DLG2: variants seen among roughly 807,000 people sequenced by gnomAD.
The protein encoded by DLG2 is discs large MAGUK scaffold protein 2, also known as disks large homolog 2.
Under a neutral mutation model 132.5 loss-of-function variants are expected in DLG2, and 45 were observed. That is an observed-to-expected ratio of 0.34 (90% CI 0.27 to 0.44). DLG2 has a LOEUF of 0.44. DLG2 is among the 20% of genes least tolerant of loss of function. The probability of loss-of-function intolerance (pLI) is 1.00; values close to 1 mark genes in which losing one functional copy is unlikely to be tolerated. For missense variants in DLG2, 1,045 were observed against 1,196.9 expected (o/e 0.87, Z 1.87); for synonymous variants, 424 against 419.6 (o/e 1.01, Z -0.13).
At chr11:84,793,044 C>T (rs889569920) in intron 6 of DLG2, among the ~76,000 whole-genome samples, 2 of 152,124 alleles carry the variant, frequency 1.3e-5, no homozygotes, top group Non-Finnish European at 2.9e-5. Context: ...GAGGTAGGCA[C>T]TTATAGCTAT....
At chr11:85,192,566 T>A (rs1048003025) in intron 4 of DLG2, among the ~76,000 whole-genome samples, 1 of 152,216 alleles carries the variant, frequency 6.6e-6, no homozygotes, top group Non-Finnish European at 1.5e-5. Flanking sequence ...GGGGAATTAA[T>A]AGGCACTTAT....
chr11:85,590,891 T>C (rs1211627699), intron 3 of DLG2, among the ~76,000 whole-genome samples: 3 of 152,208 alleles, frequency 2.0e-5, no homozygotes, highest in Non-Finnish European at 2.9e-5. Context: ...GGGGTTTCAC[T>C]ATCTCACTAT....
intron 14 of DLG2, among the ~76,000 whole-genome samples, chr11:83,934,535 GATA>G (rs559362785): frequency 7.2e-4 from 109 of 152,138 alleles, no homozygotes; most frequent in African/African-American, 2.6e-3. Flanking sequence ...TTAAGACAGT[GATA>G]ATAATGACTG....
At chr11:84,786,302 A>G (rs970182339) in intron 6 of DLG2, among the ~76,000 whole-genome samples, 1 of 152,214 alleles carries the variant, frequency 6.6e-6, no homozygotes, top group Admixed American at 6.5e-5. Context: ...TTGAACACTC[A>G]TAAGAAGATA....
intron 6 of DLG2, among the ~76,000 whole-genome samples, chr11:84,749,640 A>G (rs1224745199): frequency 6.6e-6 from 1 of 152,158 alleles, no homozygotes; most frequent in Non-Finnish European, 1.5e-5. Context: ...TATTTGCACA[A>G]CAGTGAAATT....
At chr11:84,870,058 G>A (rs922077026) in intron 6 of DLG2, among the ~76,000 whole-genome samples, 2 of 152,132 alleles carry the variant, frequency 1.3e-5, no homozygotes, top group African/African-American at 2.4e-5. Flanking sequence ...AACCCATGAA[G>A]CTGAGAAATA....
At chr11:84,457,888 T>C (rs1256361625) in intron 7 of DLG2, among the ~76,000 whole-genome samples, 2 of 150,958 alleles carry the variant, frequency 1.3e-5, no homozygotes, top group African/African-American at 4.8e-5. Flanking sequence ...ATACATAGAA[T>C]ACATCTATAT....
chr11:85,485,033 T>A (rs2093395976), intron 3 of DLG2, among the ~76,000 whole-genome samples: 1 of 152,166 alleles, frequency 6.6e-6, no homozygotes, highest in Non-Finnish European at 1.5e-5. Context: ...TAAAAAATGA[T>A]GAGTTCATGT....
At chr11:84,830,180 T>G (rs1271923671) in intron 6 of DLG2, among the ~76,000 whole-genome samples, 1 of 151,616 alleles carries the variant, frequency 6.6e-6, no homozygotes, top group African/African-American at 2.4e-5. Flanking sequence ...TTAAGGGCAC[T>G]GGTGCTCAGA....
intron 6 of DLG2, among the ~76,000 whole-genome samples, chr11:84,688,735 C>G (rs1305091566): frequency 6.6e-6 from 1 of 152,146 alleles, no homozygotes; most frequent in African/African-American, 2.4e-5. Context: ...GAAAAAGGCC[C>G]TCAGACAAGA....
intron 18 of DLG2, among the ~76,000 whole-genome samples, chr11:83,744,409 A>G (rs149443481): frequency 6.6e-6 from 1 of 152,362 alleles, no homozygotes; most frequent in African/African-American, 2.4e-5. Flanking sequence ...GGGCAGAGAT[A>G]CAAACCAAGT....
At chr11:85,232,967 G>T (rs1265132669) in intron 4 of DLG2, among the ~76,000 whole-genome samples, 1 of 151,910 alleles carries the variant, frequency 6.6e-6, no homozygotes, top group African/African-American at 2.4e-5. Flanking sequence ...ACTCCAGTTT[G>T]AAGATCTTGC....
intron 18 of DLG2, among the ~76,000 whole-genome samples, chr11:83,784,395 T>A (rs1469908177): frequency 6.6e-6 from 1 of 152,224 alleles, no homozygotes; most frequent in East Asian, 1.9e-4. Context: ...AGGAAAGAAA[T>A]CTGATTGCTT....
At chr11:83,630,228 A>C (rs1170783529) in intron 19 of DLG2, among the ~76,000 whole-genome samples, 3 of 152,166 alleles carry the variant, frequency 2.0e-5, no homozygotes, top group African/African-American at 7.2e-5. Flanking sequence ...CTACCTGGGA[A>C]GATCATTTCT....
chr11:84,197,144 G>A (rs2096532974), intron 8 of DLG2, among the ~76,000 whole-genome samples: 1 of 150,996 alleles, frequency 6.6e-6, no homozygotes, highest in Non-Finnish European at 1.5e-5. Context: ...TGAACCATAT[G>A]TTGAGTATTT....
intron 3 of DLG2, among the ~76,000 whole-genome samples, chr11:85,406,665 C>G (rs1466636334): frequency 1.3e-5 from 2 of 151,834 alleles, no homozygotes; most frequent in African/African-American, 4.8e-5. Context: ...TAATAACACT[C>G]ATCAGCATGA....
intron 5 of DLG2, among the ~76,000 whole-genome samples, chr11:85,115,129 A>T (rs561373229): frequency 7.9e-5 from 12 of 151,910 alleles, no homozygotes; most frequent in Admixed American, 7.2e-4. Context: ...TGCATGATAG[A>T]ACTGTACACA....
chr11:85,377,610 C>G (rs1452547869), intron 3 of DLG2, among the ~76,000 whole-genome samples: 1 of 151,784 alleles, frequency 6.6e-6, no homozygotes, highest in Non-Finnish European at 1.5e-5. Flanking sequence ...AGACATTGTT[C>G]CTTAGTTTCT....
chr11:84,168,414 T>A (rs973327141), intron 8 of DLG2, among the ~76,000 whole-genome samples: 1 of 152,218 alleles, frequency 6.6e-6, no homozygotes, highest in African/African-American at 2.4e-5. Flanking sequence ...CTCTGATTAT[T>A]ATTGTTTTAG....
Sources: gnomAD v4.1 joint callset for allele counts (sites outside exome capture counted in the v4.1 genomes callset) on GRCh38, gnomAD v4.1.1 for gene constraint, MANE v1.5 for transcripts, NCBI Gene and HGNC (gene_info 2026-07-23, HGNC 2026-07-21) for gene names.